Variants in XKR3 observed in about 807,000 individuals in gnomAD.
XKR3 encodes the protein XK-related protein 3.
Under a neutral mutation model 40.3 loss-of-function variants are expected in XKR3, and 27 were observed. The observed-to-expected ratio is 0.67, with a 90% CI of 0.49 to 0.92. The LOEUF is 0.92. Ranked by LOEUF, XKR3 falls within the 40% of genes least tolerant of loss-of-function variation. The pLI is 0.00. For missense variants in XKR3, 472 were observed against 537.6 expected (o/e 0.88, Z 1.21); for synonymous variants, 193 against 195.4 (o/e 0.99, Z 0.10).
chr22:16,790,813 T>C (rs5748632), intron 3 of XKR3, among the ~76,000 whole-genome samples: 136,595 of 151,736 alleles, frequency 0.9, 61,786 homozygotes, highest in African/African-American at 0.98. Flanking sequence ...AGAAGACATG[T>C]AAATCAAAAC....
intron 2 of XKR3, among the ~76,000 whole-genome samples, chr22:16,800,374 A>G (rs1304233059): frequency 6.6e-6 from 1 of 152,210 alleles, no homozygotes; most frequent in Non-Finnish European, 1.5e-5. Flanking sequence ...CTAATGCGTT[A>G]ATATTCTGAC....
chr22:16,796,106 C>G (rs1310460370), intron 3 of XKR3, among the ~76,000 whole-genome samples: 16 of 152,150 alleles, frequency 1.1e-4, no homozygotes, highest in African/African-American at 3.4e-4. Context: ...AATCCAGAGG[C>G]AACAGATAAA....
At chr22:16,787,940 G>A (rs1229584062) in intron 3 of XKR3, among the ~76,000 whole-genome samples, 1 of 152,080 alleles carries the variant, frequency 6.6e-6, no homozygotes, top group Non-Finnish European at 1.5e-5. Flanking sequence ...CATGCAGACA[G>A]AAAATCAGTA....
intron 1 of XKR3, among the ~76,000 whole-genome samples, chr22:16,810,175 T>C (rs759544105): frequency 6.6e-5 from 10 of 152,242 alleles, no homozygotes; most frequent in Non-Finnish European, 1.2e-4. Context: ...CCCATATTTA[T>C]ATCTCCAGCC....
chr22:16,797,839 C>T (rs2060149006), intron 3 of XKR3, among the ~76,000 whole-genome samples: 1 of 149,850 alleles, frequency 6.7e-6, no homozygotes, highest in African/African-American at 2.5e-5. Flanking sequence ...AGATACTTCT[C>T]AAAAGAAGAC....
chr22:16,787,243 G>T (rs1448949209), intron 3 of XKR3, among the ~76,000 whole-genome samples: 1 of 152,044 alleles, frequency 6.6e-6, no homozygotes, highest in Non-Finnish European at 1.5e-5. Flanking sequence ...AACATCCAAA[G>T]AACAAATGTA....
intron 3 of XKR3, among the ~76,000 whole-genome samples, chr22:16,792,665 T>C (rs370627449): frequency 4.8e-4 from 73 of 152,372 alleles, no homozygotes; most frequent in African/African-American, 1.7e-3. Flanking sequence ...CTTAGTTTGT[T>C]GTTCACATAT....
At position 16,821,207 on chromosome 22, in the gene XKR3, A is replaced by T. The variant is rs138692699; in HGVS notation, c.-11+4084T>A. Among the ~76,000 whole-genome samples the T allele has an allele frequency of 6.6e-3, 1,001 of 152,244 alleles. 16 individuals are homozygous for T. Among genetic ancestry groups the T allele is most frequent in the African/African-American group, 0.023 (947 of 41,550 alleles). ...ATAAAATGTAATTTTCTATGATAGC[A>T]TTGACCTTAACTGAAAAAATGTATA... On this transcript the variant is annotated intron_variant, in intron 1 of 3. Transcript: ENST00000684488.
chr22:16,815,540 A>G (rs1268044363), intron 1 of XKR3, among the ~76,000 whole-genome samples: 1 of 152,050 alleles, frequency 6.6e-6, no homozygotes, highest in Non-Finnish European at 1.5e-5. Flanking sequence ...TTATCTATCT[A>G]AAACTTGTTG....
chr22:16,796,308 TCAAA>T (rs1229816183), intron 3 of XKR3, among the ~76,000 whole-genome samples: 2 of 152,114 alleles, frequency 1.3e-5, no homozygotes, highest in African/African-American at 4.8e-5. Context: ...CTATTATAAT[TCAAA>T]CAAATGGTGG....
At chr22:16,803,214 C>A (rs1053386686) in intron 2 of XKR3, among the ~76,000 whole-genome samples, 1 of 152,044 alleles carries the variant, frequency 6.6e-6, no homozygotes, top group South Asian at 2.1e-4. Context: ...ATAATAAAAT[C>A]TATTAAAAAT....
intron 3 of XKR3, among the ~76,000 whole-genome samples, chr22:16,798,897 G>A (rs908556138): frequency 2.6e-5 from 4 of 152,162 alleles, no homozygotes; most frequent in Non-Finnish European, 5.9e-5. Context: ...ACTCCCTACT[G>A]TGTACTATGC....
At chr22:16,800,470 C>T (rs2060164166) in intron 2 of XKR3, among the ~76,000 whole-genome samples, 2 of 152,138 alleles carry the variant, frequency 1.3e-5, no homozygotes, top group South Asian at 4.1e-4. Context: ...TCCCATGATA[C>T]AAATGTCAAC....
chr22:16,822,198 A>G (rs988722077), intron 1 of XKR3, among the ~76,000 whole-genome samples: 2 of 152,166 alleles, frequency 1.3e-5, no homozygotes, highest in African/African-American at 4.8e-5. Flanking sequence ...TTAAAAATGC[A>G]TGTAGCACAG....
rs1343241502 is a variant in XKR3, at chr22:16,799,809, T to C, written c.551A>G (p.Tyr184Cys). The C allele has an allele frequency of 5.6e-6, 9 of 1,614,114 alleles. No homozygotes were observed. The highest frequency in any genetic ancestry group is 4.0e-5 in the African/African-American group (3 of 75,046). ...CCATTCTCGTATAGTGAGACTGATA[T>C]ACATCTGCAAAATTAATTGTGGAAC... ...GSVPQLILQMYISLTIREWPL... is the reference protein window; with the variant it reads ...GSVPQLILQMCISLTIREWPL... The change falls in exon 3 of 4, where the codon TAT becomes TGT. Residue 184 changes from tyrosine (Y) to cysteine (C), a missense_variant. Transcript: ENST00000684488.
At chr22:16,803,575 G>A (rs1337083676) in intron 2 of XKR3, among the ~76,000 whole-genome samples, 2 of 152,196 alleles carry the variant, frequency 1.3e-5, no homozygotes, top group African/African-American at 4.8e-5. Flanking sequence ...TCTAAAATGT[G>A]TGTAATAAAA....
chr22:16,820,691 C>T (rs1192048139), intron 1 of XKR3, among the ~76,000 whole-genome samples: 1 of 150,170 alleles, frequency 6.7e-6, no homozygotes, highest in African/African-American at 2.5e-5. Context: ...CATTCAATCA[C>T]TTACTATGCT....
chr22:16,814,625 A>G (rs1320156167), intron 1 of XKR3, among the ~76,000 whole-genome samples: 2 of 152,134 alleles, frequency 1.3e-5, no homozygotes, highest in Non-Finnish European at 2.9e-5. Context: ...CATTTATTTC[A>G]ATTTTCTTTA....
intron 3 of XKR3, among the ~76,000 whole-genome samples, chr22:16,794,656 C>T (rs1337961523): frequency 4.0e-4 from 61 of 152,156 alleles, no homozygotes; most frequent in Admixed American, 6.5e-5. Context: ...AGCTACACAA[C>T]GAAGTCTACC....
Sources: allele counts gnomAD v4.1 joint callset (sites outside exome capture counted in the v4.1 genomes callset), GRCh38; gene constraint gnomAD v4.1.1; transcripts MANE v1.5; gene names NCBI Gene and HGNC (gene_info 2026-07-23, HGNC 2026-07-21).